The following TPD52L1 variants were observed in gnomAD, a reference collection of about 807,000 sequenced individuals.
TPD52L1 encodes the protein TPD52 like 1, also known as tumor protein D53.
In TPD52L1, 18 loss-of-function variants were observed where a neutral mutation model predicts 28.7. That is an observed-to-expected ratio of 0.63 (90% CI 0.43 to 0.93). TPD52L1 has a LOEUF of 0.93. Ranked by LOEUF, TPD52L1 falls within the 40% of genes least tolerant of loss-of-function variation. The probability of loss-of-function intolerance (pLI) is 0.00; values close to 1 mark genes in which losing one functional copy is unlikely to be tolerated. For missense variants in TPD52L1, 203 were observed against 254.8 expected, an observed-to-expected ratio of 0.80 and a Z score of 1.39; for synonymous variants, 75 against 88.8, an observed-to-expected ratio of 0.84 and a Z score of 0.88.
chr6:125,247,900 G>A (rs972236324), intron 3 of TPD52L1, among the ~76,000 whole-genome samples: 5 of 152,180 alleles, frequency 3.3e-5, no homozygotes, highest in South Asian at 4.2e-4. Flanking sequence ...ACCTAAACCT[G>A]CATTCTCTAA....
At chr6:125,183,026 G>A (rs1792315905) in intron 1 of TPD52L1, among the ~76,000 whole-genome samples, 1 of 152,106 alleles carries the variant, frequency 6.6e-6, no homozygotes, top group African/African-American at 2.4e-5. Context: ...TTTCCAATAT[G>A]ACCAGTCTTT....
At chr6:125,198,486 AAC>A (rs757440506) in intron 1 of TPD52L1, among the ~76,000 whole-genome samples, 5 of 152,196 alleles carry the variant, frequency 3.3e-5, no homozygotes, top group Non-Finnish European at 7.3e-5. Flanking sequence ...CGTGACCACA[AAC>A]ACATGACCAG....
intron 1 of TPD52L1, among the ~76,000 whole-genome samples, chr6:125,205,108 A>G (rs1398254108): frequency 6.6e-6 from 1 of 152,192 alleles, no homozygotes; most frequent in African/African-American, 2.4e-5. Flanking sequence ...TATTTGGTCT[A>G]CTAGTCAAAC....
At chr6:125,214,556 A>T in intron 1 of TPD52L1, 1 of 591,382 alleles carries the variant, frequency 1.7e-6, no homozygotes, top group Non-Finnish European at 2.1e-6. Flanking sequence ...AGAAATAATG[A>T]TATGTAGAAC....
chr6:125,172,509 A>C, intron 1 of TPD52L1, among the ~76,000 whole-genome samples: 1 of 34,430 alleles, frequency 2.9e-5, no homozygotes, highest in African/African-American at 1.6e-4. Context: ...TCCCTCTTTC[A>C]TGCTATATAT....
rs115156572 is a variant in TPD52L1, at chr6:125,205,874, A to G, written c.20-14204A>G. Among the ~76,000 whole-genome samples the G allele has an allele frequency of 5.9e-3, 897 of 152,336 alleles. 12 individuals carry two copies. Among genetic ancestry groups the G allele is most frequent in the African/African-American group, 0.02 (827 of 41,564 alleles). On this transcript the variant is annotated intron_variant, in intron 1 of 6. Transcript: ENST00000534000. Reference sequence around the variant, plus strand: ...ATGTATTTGTTGACCTCTATATGTAATAGCACGTCACTTCCATTTTTAGCC... The same window carrying G: ...ATGTATTTGTTGACCTCTATATGTAGTAGCACGTCACTTCCATTTTTAGCC...
intron 3 of TPD52L1, among the ~76,000 whole-genome samples, chr6:125,238,745 AT>A (rs1186071932): frequency 1.3e-5 from 2 of 152,238 alleles, no homozygotes; most frequent in South Asian, 2.1e-4. Context: ...AGAAAGCAAG[AT>A]TTAAAAGCAA....
intron 1 of TPD52L1, among the ~76,000 whole-genome samples, chr6:125,189,652 A>G (rs1316775210): frequency 1.3e-5 from 2 of 152,174 alleles, no homozygotes; most frequent in African/African-American, 4.8e-5. Context: ...GGTGTTGTCA[A>G]AAGAGAGTTC....
At chr6:125,247,014 A>G (rs1004648054) in intron 3 of TPD52L1, among the ~76,000 whole-genome samples, 10 of 152,112 alleles carry the variant, frequency 6.6e-5, no homozygotes, top group African/African-American at 2.2e-4. Flanking sequence ...AGAATACCAC[A>G]TTAATAAAGT....
At chr6:125,230,175 C>T (rs1235315388) in intron 3 of TPD52L1, among the ~76,000 whole-genome samples, 1 of 152,176 alleles carries the variant, frequency 6.6e-6, no homozygotes, top group Non-Finnish European at 1.5e-5. Flanking sequence ...AGTTATTCTA[C>T]AATCACACTT....
chr6:125,260,218 A>T (rs535358935), intron 6 of TPD52L1: 7 of 152,320 alleles, frequency 4.6e-5, no homozygotes, highest in Admixed American at 1.3e-4. Flanking sequence ...CATTGAATTA[A>T]TCTTATTTGT....
intron 3 of TPD52L1, among the ~76,000 whole-genome samples, chr6:125,231,771 C>A (rs1795967883): frequency 6.6e-6 from 1 of 152,106 alleles, no homozygotes; most frequent in South Asian, 2.1e-4. Context: ...ACTTGGGCTA[C>A]TGAGTGAGTG....
intron 1 of TPD52L1, among the ~76,000 whole-genome samples, chr6:125,189,289 T>C (rs1162385580): frequency 6.6e-6 from 1 of 152,216 alleles, no homozygotes; most frequent in Non-Finnish European, 1.5e-5. Flanking sequence ...TCAGTAGAGA[T>C]CAGTTGTACA....
At chr6:125,159,898 A>G (rs1303475288) in intron 1 of TPD52L1, among the ~76,000 whole-genome samples, 6 of 152,152 alleles carry the variant, frequency 3.9e-5, no homozygotes, top group African/African-American at 7.2e-5. Flanking sequence ...CATAATTCCC[A>G]CATGTCATGG....
At chr6:125,220,054 C>T (rs1167457541) in intron 1 of TPD52L1, 24 bp from the exon 2 acceptor site, 9 of 1,558,892 alleles carry the variant, frequency 5.8e-6, no homozygotes, top group Non-Finnish European at 8.0e-6. Context: ...AAATTGCCTT[C>T]TGTTTTATCA....
chr6:125,229,396 A>C, intron 3 of TPD52L1, 130 bp downstream of exon 3: 1 of 876,342 alleles, frequency 1.1e-6, no homozygotes, highest in Non-Finnish European at 1.7e-6. Context: ...TTTCTCTAAA[A>C]GCAAAGCAAA....
intron 6 of TPD52L1, chr6:125,261,024 A>T (rs1298301878): frequency 3.3e-5 from 1 of 30,572 alleles, no homozygotes; most frequent in East Asian, 1.2e-3. Context: ...GAAAGAAAAG[A>T]AAAGAAAGAA....
At chr6:125,207,351 A>G (rs138153383) in intron 1 of TPD52L1, among the ~76,000 whole-genome samples, 1 of 152,348 alleles carries the variant, frequency 6.6e-6, no homozygotes, top group Non-Finnish European at 1.5e-5. Flanking sequence ...CTCATCAGTT[A>G]TGTGAGTTTG....
At chr6:125,195,275 A>T (rs1419590651) in intron 1 of TPD52L1, among the ~76,000 whole-genome samples, 1 of 152,206 alleles carries the variant, frequency 6.6e-6, no homozygotes, top group Admixed American at 6.5e-5. Context: ...CACTGTACAG[A>T]ACAAGAACAA....
Sources: gnomAD v4.1 joint callset for allele counts (sites outside exome capture counted in the v4.1 genomes callset) on GRCh38, gnomAD v4.1.1 for gene constraint, MANE v1.5 for transcripts, NCBI Gene and HGNC (gene_info 2026-07-23, HGNC 2026-07-21) for gene names.